Variants in OCRL observed in about 807,000 individuals in gnomAD.
OCRL encodes inositol polyphosphate 5-phosphatase OCRL.
In OCRL, 8 loss-of-function variants were observed where a neutral mutation model predicts 78.9. That is an observed-to-expected ratio of 0.10 (90% CI 0.06 to 0.18). The LOEUF (loss-of-function observed/expected upper bound fraction) is 0.18, where lower values mean the gene tolerates loss of function less well. Ranked by LOEUF, OCRL falls within the 10% of genes least tolerant of loss-of-function variation. OCRL has a pLI of 1.00. For missense variants in OCRL, 454 were observed against 696.7 expected (o/e 0.65, Z 3.92); for synonymous variants, 240 against 235.4 (o/e 1.02, Z -0.18).
chrX:129,584,236 A>G (rs1267270029), intron 18 of OCRL, 108 bp from the exon 19 acceptor site: 2 of 645,205 alleles, frequency 3.1e-6, no homozygotes, highest in East Asian at 3.3e-5. Flanking sequence ...TAAAGCATGT[A>G]TATCTGGTAA....
In OCRL at chrX:129,562,861, A is replaced by T; in HGVS notation, c.1244+75A>T. The stretch of plus-strand genomic sequence containing the variant: ...GGATAGTGTAGAGATTAAATGTGAG[A>T]TACTGTAGAGCTGTGAAGAGTGAAA... On this transcript the variant is annotated intron_variant, in intron 12 of 23. Transcript: ENST00000371113. 4 of 972,810 alleles carry T rather than the reference A, an allele frequency of 4.1e-6. No individual in the cohort carries two copies. The South Asian group carries it at 8.0e-5, about 20-fold the overall frequency. 80.2% of individuals were successfully genotyped at this position (972,810 alleles called of 1,213,427 possible).
In OCRL at chrX:129,566,549, A is replaced by G. The variant is rs141493592; in HGVS notation, c.1356+666A>G. ...GTGACTTGAATTTTTACTTCAACATATGGATACTGGCTGCTAAAAGTGAAT... is the reference window on the plus strand; with the variant it reads ...GTGACTTGAATTTTTACTTCAACATGTGGATACTGGCTGCTAAAAGTGAAT... On this transcript the variant is annotated intron_variant, in intron 13 of 23. Coordinates refer to ENST00000371113, the MANE Select transcript of OCRL (RefSeq NM_000276.4). Among the ~76,000 whole-genome samples the G allele has an allele frequency of 3.3e-3, 373 of 112,861 alleles. 2 individuals are homozygous for G. Among genetic ancestry groups the G allele is most frequent in the African/African-American group, 0.011 (357 of 31,139 alleles).
At position 129,565,986 on chromosome X, in the gene OCRL, CTGTCTTGTGAAAACAGTG is replaced by C. The variant is rs1271921830; in HGVS notation, c.1356+106_1356+123del. 3 of 567,471 alleles carry C rather than the reference CTGTCTTGTGAAAACAGTG, an allele frequency of 5.3e-6. No individual in the cohort carries two copies. The African/African-American group carries it at 6.8e-5, about 13-fold the overall frequency. 46.8% of individuals were successfully genotyped at this position (567,471 alleles called of 1,213,427 possible). On this transcript the variant is annotated intron_variant, in intron 13 of 23. Transcript: ENST00000371113. ...TCTAGGGAGTGATGGAAACGTCTTA[CTGTCTTGTGAAAACAGTG>C]TGACTAGTGATGCATTGACTACATA...
chrX:129,557,068 A>T (rs1230294360), intron 4 of OCRL, among the ~76,000 whole-genome samples: 5 of 111,322 alleles, frequency 4.5e-5, no homozygotes, highest in African/African-American at 1.3e-4. Context: ...TATGTGTCAT[A>T]TCCTTAGATC....
At chrX:129,547,474 G>A (rs186438467) in intron 3 of OCRL, among the ~76,000 whole-genome samples, 94 of 99,666 alleles carry the variant, frequency 9.4e-4, no homozygotes, top group African/African-American at 3.3e-3. Context: ...GCAGTGAGCC[G>A]AGATCGTGCC....
At chrX:129,562,996 G>A (rs941469460) in intron 12 of OCRL, among the ~76,000 whole-genome samples, 1 of 112,183 alleles carries the variant, frequency 8.9e-6, no homozygotes, top group Non-Finnish European at 1.9e-5. Context: ...AGTTCTATTA[G>A]TGGGGCACCT....
At chrX:129,545,960 T>C (rs1278125743) in intron 3 of OCRL, among the ~76,000 whole-genome samples, 1 of 111,453 alleles carries the variant, frequency 9.0e-6, no homozygotes, top group Non-Finnish European at 1.9e-5. Context: ...GCAATCTGCC[T>C]GTCTCGGCCT....
chrX:129,559,549 A>G (rs1602782501), intron 8 of OCRL, among the ~76,000 whole-genome samples: 2 of 111,525 alleles, frequency 1.8e-5, no homozygotes, highest in African/African-American at 6.5e-5. Flanking sequence ...TAATGTCTCT[A>G]CTGAGTCCTA....
chrX:129,557,348 G>A lies in OCRL; in HGVS notation c.262G>A (p.Gly88Arg). 8.3e-7 allele frequency: 1 copy of A among 1,211,503 alleles called. No individual in the cohort carries two copies. The highest frequency in any genetic ancestry group is 2.3e-4 in the Middle Eastern group (1 of 4,351). The change falls in exon 5 of 24, where the codon GGG becomes AGG. Residue 88 changes from glycine (G) to arginine (R), a missense_variant. By Grantham distance (125) the Gly-to-Arg change is moderately radical. Coordinates refer to ENST00000371113, the MANE Select transcript of OCRL (RefSeq NM_000276.4). ...AGGTGGCTGCAAAATTCGGGTTCAG[G>A]GGGACTGGATCAGAGAGCGCCGCTT... Reference protein sequence around the residue: ...SNSGCKIRVQGDWIRERRFEI... With the variant: ...SNSGCKIRVQRDWIRERRFEI...
intron 4 of OCRL, among the ~76,000 whole-genome samples, chrX:129,551,714 G>C (rs752560980): frequency 1.8e-5 from 2 of 112,672 alleles, no homozygotes; most frequent in Non-Finnish European, 3.7e-5. Context: ...GATTACAGGC[G>C]TGAGCCACCG....
intron 4 of OCRL, chrX:129,554,424 G>A (rs1291573138): frequency 9.0e-6 from 1 of 111,246 alleles, no homozygotes; most frequent in African/African-American, 3.3e-5. Flanking sequence ...GAGATCGAGT[G>A]GAGAGAAAGT....
Position 129,567,360 on chromosome X carries a change from C to T in OCRL, c.1463C>T (p.Ser488Phe). The T allele has an allele frequency of 8.8e-7, 1 of 1,130,528 alleles. No individual in the cohort carries two copies. The highest frequency in any genetic ancestry group is 1.2e-6 in the Non-Finnish European group (1 of 821,591). The allele number at this position is 1,130,528 out of a possible 1,213,427, so 93.2% of individuals were successfully genotyped here. ...GACTCTAAAACAGACCGGTGGGATT[C>T]CAGGTAAAGTAATAAGAACCTTCTC... ...KYDSKTDRWD[S>F]SGKCRVPAWC... Residue 488 changes from serine to phenylalanine, a missense_variant, in exon 14 of 24, where the codon TCC becomes TTC. Transcript: ENST00000371113.
At chrX:129,571,694 AT>A (rs929224661) in intron 15 of OCRL, among the ~76,000 whole-genome samples, 15 of 109,140 alleles carry the variant, frequency 1.4e-4, no homozygotes, top group Non-Finnish European at 1.9e-4. Context: ...GGATATTTAC[AT>A]TTTTTTTCAG....
chrX:129,571,578 C>T (rs1014549299), intron 15 of OCRL, among the ~76,000 whole-genome samples: 2 of 109,481 alleles, frequency 1.8e-5, no homozygotes, highest in Admixed American at 9.7e-5. Context: ...GTGGTCCACC[C>T]GCCTCAGCCT....
Position 129,560,582 on chromosome X carries a change from A to G in OCRL, c.755A>G (p.Gln252Arg). The G allele has an allele frequency of 8.3e-7, 1 of 1,203,895 alleles. No homozygotes were observed. Residue 252 changes from glutamine (Q) to arginine (R), a missense_variant, in exon 9 of 24, where the codon CAG (glutamine) becomes CGG (arginine). Physicochemically the swap from Gln to Arg is conservative, Grantham distance 43. Coordinates refer to ENST00000371113, the MANE Select transcript of OCRL (RefSeq NM_000276.4). Reference sequence around the variant, plus strand: ...GTTGGAACTTGGAATGTGAATGGCCAGTCTCCAGATAGCGGGTTAGAACCT... The same window carrying G: ...GTTGGAACTTGGAATGTGAATGGCCGGTCTCCAGATAGCGGGTTAGAACCT... ...FFVGTWNVNG[Q>R]SPDSGLEPWL...
At chrX:129,582,308 C>G (rs1018960676) in intron 18 of OCRL, among the ~76,000 whole-genome samples, 1 of 111,989 alleles carries the variant, frequency 8.9e-6, no homozygotes, top group Non-Finnish European at 1.9e-5. Context: ...TCTGGAACTC[C>G]TCACCCCAAC....
At chrX:129,560,022 A>T (rs769663441) in intron 8 of OCRL, among the ~76,000 whole-genome samples, 20 of 111,751 alleles carry the variant, frequency 1.8e-4, no homozygotes, top group Non-Finnish European at 3.8e-4. Flanking sequence ...ATCCCCCACT[A>T]TGCTTATATT....
chrX:129,568,829 A>G (rs1251324562), intron 14 of OCRL, among the ~76,000 whole-genome samples: 1 of 112,460 alleles, frequency 8.9e-6, no homozygotes, highest in African/African-American at 3.2e-5. Flanking sequence ...GGAGTTTTAG[A>G]CTTGATTAGT....
At position 129,540,259 on chromosome X, in the gene OCRL, C is replaced by A; in HGVS notation, c.-181C>A. The stretch of plus-strand genomic sequence containing the variant: ...ACTGGCGGGGGCGCGAGGCGCCGCT[C>A]TCTCTTGGGTCAGATTCTCAGCTCC... On this transcript the variant is annotated 5_prime_UTR_variant, in exon 1 of 24. Coordinates refer to ENST00000371113, the MANE Select transcript of OCRL (RefSeq NM_000276.4). The A allele has an allele frequency of 2.0e-6, 1 of 488,937 alleles. No homozygotes were observed. Among genetic ancestry groups the A allele is most frequent in the Non-Finnish European group, 3.4e-6 (1 of 295,642 alleles). The allele number at this position is 488,937 out of a possible 1,213,427, so 40.3% of individuals were successfully genotyped here.
Sources: gnomAD v4.1 joint callset for allele counts (sites outside exome capture counted in the v4.1 genomes callset) on GRCh38, gnomAD v4.1.1 for gene constraint, MANE v1.5 for transcripts, NCBI Gene and HGNC (gene_info 2026-07-23, HGNC 2026-07-21) for gene names.